GLRA1: variants seen among roughly 807,000 people sequenced by gnomAD.
GLRA1 encodes the protein glycine receptor subunit alpha-1.
Under a neutral mutation model 48.3 loss-of-function variants are expected in GLRA1, and 37 were observed. The observed-to-expected ratio is 0.77, with a 90% CI of 0.59 to 1.01. GLRA1 has a LOEUF of 1.01. GLRA1 is among the 50% of genes least tolerant of loss of function. GLRA1 has a pLI of 0.00. For synonymous variants in GLRA1, 196 were observed against 210.7 expected, an observed-to-expected ratio of 0.93 and a Z score of 0.60; for missense variants, 427 against 571.0, an observed-to-expected ratio of 0.75 and a Z score of 2.57.
chr5:151,885,843 A>G (rs911697271), intron 3 of GLRA1, among the ~76,000 whole-genome samples: 23 of 152,156 alleles, frequency 1.5e-4, no homozygotes, highest in Non-Finnish European at 2.8e-4. Flanking sequence ...TGTGTTTTGG[A>G]AAGGCTAGTG....
chr5:151,828,926 G>T lies in GLRA1; in HGVS notation c.1054C>A (p.His352Asn), dbSNP rs1397053753. Residue 352 changes from histidine to asparagine, a missense_variant, in exon 8 of 9, where the codon CAC becomes AAC. By Grantham distance (68) the His-to-Asn change is moderately conservative. Around this residue, in one of 4 missense-constraint regions of GLRA1, gnomAD observed 31 missense variants for 21.9 expected, o/e 1.41. Coordinates refer to ENST00000274576, the MANE Select transcript of GLRA1 (RefSeq NM_000171.4). ...GCAGTGACCCAAAGGCCTACCTTGTGATGTCTCCGCTTCCTCCTGAATCGG... is the reference window on the plus strand; with the variant it reads ...GCAGTGACCCAAAGGCCTACCTTGTTATGTCTCCGCTTCCTCCTGAATCGG... ...LLRFRRKRRH[H>N]KEDEAGEGRF... The T allele has an allele frequency of 6.2e-7, 1 of 1,613,906 alleles. No individual in the cohort carries two copies. The highest frequency in any genetic ancestry group is 2.2e-5 in the East Asian group (1 of 44,898).
intron 1 of GLRA1, among the ~76,000 whole-genome samples, chr5:151,915,575 A>G (rs916306595): frequency 4.6e-5 from 7 of 152,192 alleles, no homozygotes; most frequent in African/African-American, 1.2e-4. Context: ...GTAGAACTGT[A>G]TGCTTCAACA....
chr5:151,914,519 G>T (rs1164423162), intron 1 of GLRA1, among the ~76,000 whole-genome samples: 1 of 152,194 alleles, frequency 6.6e-6, no homozygotes, highest in African/African-American at 2.4e-5. Flanking sequence ...AGCTAAAAAT[G>T]TCTTTGGTCT....
intron 1 of GLRA1, among the ~76,000 whole-genome samples, chr5:151,914,449 C>A (rs1259479138): frequency 6.6e-6 from 1 of 152,074 alleles, no homozygotes; most frequent in Admixed American, 6.5e-5. Flanking sequence ...TGAGGTGGGG[C>A]ACATACAGAA....
At chr5:151,919,735 T>C (rs1013291416) in intron 1 of GLRA1, among the ~76,000 whole-genome samples, 1 of 152,218 alleles carries the variant, frequency 6.6e-6, no homozygotes, top group Non-Finnish European at 1.5e-5. Flanking sequence ...AGAAAGGTCA[T>C]AGAACCCTCT....
chr5:151,870,844 T>C (rs1283163274), intron 3 of GLRA1, among the ~76,000 whole-genome samples: 1 of 149,756 alleles, frequency 6.7e-6, no homozygotes, highest in African/African-American at 2.6e-5. Context: ...TAAAAGCAAC[T>C]TTTGCTTGGC....
chr5:151,854,833 C>T (rs1179638744), intron 6 of GLRA1, among the ~76,000 whole-genome samples: 2 of 152,220 alleles, frequency 1.3e-5, no homozygotes, highest in South Asian at 2.1e-4. Flanking sequence ...CAGCTTCCCT[C>T]GTAATTAGGT....
rs142366861 is a variant in GLRA1, at chr5:151,843,502, C to G, written c.912+7888G>C. Among the ~76,000 whole-genome samples, 869 of 152,068 alleles carry G rather than the reference C, an allele frequency of 5.7e-3. 12 individuals are homozygous for G. The highest frequency in any genetic ancestry group is 0.02 in the African/African-American group (839 of 41,478). ...GGTCTAGATCTCCTGACCTTGTGAT[C>G]TGCCCACCTCAGCCTCCCAAAGTGC... On this transcript the variant is annotated intron_variant, in intron 7 of 8. Coordinates refer to ENST00000274576, the MANE Select transcript of GLRA1 (RefSeq NM_000171.4).
At chr5:151,906,891 C>T (rs992213036) in intron 1 of GLRA1, among the ~76,000 whole-genome samples, 25 of 152,228 alleles carry the variant, frequency 1.6e-4, no homozygotes, top group African/African-American at 5.1e-4. Context: ...GAAGACCTGT[C>T]GGACTTTTAA....
At chr5:151,891,615 C>T (rs1023527064) in intron 2 of GLRA1, among the ~76,000 whole-genome samples, 2 of 152,116 alleles carry the variant, frequency 1.3e-5, no homozygotes, top group African/African-American at 2.4e-5. Context: ...CTCTACCACT[C>T]CCTACTGTCT....
At chr5:151,863,906 G>A (rs1277766867) in intron 3 of GLRA1, among the ~76,000 whole-genome samples, 3 of 152,118 alleles carry the variant, frequency 2.0e-5, no homozygotes, top group Non-Finnish European at 2.9e-5. Flanking sequence ...TTATAGGATT[G>A]TTCTATAATT....
chr5:151,894,320 G>A (rs1266395849), intron 1 of GLRA1, among the ~76,000 whole-genome samples: 4 of 152,130 alleles, frequency 2.6e-5, no homozygotes, highest in South Asian at 2.1e-4. Flanking sequence ...TCTCAAATCT[G>A]TCACCACCCT....
At chr5:151,875,335 G>A (rs1753596276) in intron 3 of GLRA1, among the ~76,000 whole-genome samples, 1 of 152,108 alleles carries the variant, frequency 6.6e-6, no homozygotes, top group Non-Finnish European at 1.5e-5. Flanking sequence ...ACCATGCCCA[G>A]CTGATATTTT....
rs575100286 is a variant in GLRA1, at chr5:151,854,852, A to G, written c.697+188T>C. 2.6e-5 allele frequency among the ~76,000 whole-genome samples: 4 copies of G among 152,340 alleles called. No individual in the cohort carries two copies. The East Asian group carries it at 7.7e-4, about 29-fold the overall frequency. ...TTCCCTCGTAATTAGGTATGGCCCA[A>G]GCTTAAGTTACTCACTCCAGGACTC... On this transcript the variant is annotated intron_variant, in intron 6 of 8. Transcript: ENST00000274576.
intron 3 of GLRA1, among the ~76,000 whole-genome samples, chr5:151,884,873 C>T (rs1272126422): frequency 1.1e-4 from 16 of 152,192 alleles, no homozygotes; most frequent in Admixed American, 1.0e-3. Context: ...TGCTTCTGAT[C>T]TCAGAGGAGG....
intron 8 of GLRA1, among the ~76,000 whole-genome samples, chr5:151,823,848 A>G (rs1322090558): frequency 6.6e-6 from 1 of 151,896 alleles, no homozygotes; most frequent in Admixed American, 6.6e-5. Context: ...TTCCCAGGTC[A>G]TGGTGGTCTT....
At chr5:151,922,045 G>A (rs1002708339) in intron 1 of GLRA1, among the ~76,000 whole-genome samples, 2 of 151,994 alleles carry the variant, frequency 1.3e-5, no homozygotes, top group Non-Finnish European at 2.9e-5. Flanking sequence ...TTGCCATTTC[G>A]CTGGTTATGT....
At chr5:151,881,592 TC>T in intron 3 of GLRA1, among the ~76,000 whole-genome samples, 1 of 149,084 alleles carries the variant, frequency 6.7e-6, no homozygotes, top group East Asian at 2.0e-4. Flanking sequence ...CACCTTGGCC[TC>T]CCAAAGTGCT....
At chr5:151,856,719 G>A (rs749984198) in intron 4 of GLRA1, among the ~76,000 whole-genome samples, 25 of 151,860 alleles carry the variant, frequency 1.6e-4, no homozygotes, top group African/African-American at 4.8e-4. Flanking sequence ...CCGGGGTCTC[G>A]CCATGTTGCC....
Sources: gnomAD v4.1 joint callset for allele counts (sites outside exome capture counted in the v4.1 genomes callset) on GRCh38, gnomAD v4.1.1 for gene constraint, gnomAD v4.1.1 regional missense constraint, MANE v1.5 for transcripts, NCBI Gene and HGNC (gene_info 2026-07-23, HGNC 2026-07-21) for gene names.